The following ATXN1L variants were observed in gnomAD, a reference collection of about 807,000 sequenced individuals.
ATXN1L encodes ataxin 1 like.
In ATXN1L, 8 loss-of-function variants were observed where a neutral mutation model predicts 43.4. The observed-to-expected ratio is 0.18, with a 90% confidence interval of 0.11 to 0.33. The LOEUF is 0.33. Among genes scored for constraint, ATXN1L ranks in the 10% least tolerant of loss-of-function variants. The pLI is 1.00. For missense variants in ATXN1L, 856 were observed against 885.4 expected, an observed-to-expected ratio of 0.97 and a Z score of 0.42; for synonymous variants, 379 against 360.6, an observed-to-expected ratio of 1.05 and a Z score of -0.58.
chr16:71,847,921 C>CT (rs1397763452), intron 1 of ATXN1L, 89 bp from the exon 2 acceptor site: 8 of 430,336 alleles, frequency 1.9e-5, no homozygotes, highest in Middle Eastern at 3.4e-4. Context: ...CGTGTATACT[C>CT]TAATGCTTTG....
In ATXN1L at chr16:71,849,995, G is replaced by A; in HGVS notation, c.255G>A (p.Val85=). The change falls in exon 3 of 3, where the codon GTG becomes GTA. Residue 85 remains valine (V), a synonymous_variant. Coordinates refer to ENST00000427980, the MANE Select transcript of ATXN1L (RefSeq NM_001137675.4). ...TVDQYGMLYK[V]AVPPATFSPT... ...ACCAGTATGGCATGCTGTATAAGGT[G>A]GCTGTGCCGCCTGCCACCTTTTCAC... is the stretch of plus-strand genomic sequence containing the variant. 1 of 1,551,618 alleles carries A rather than the reference G, an allele frequency of 6.4e-7. No individual in the cohort carries two copies.
chr16:71,851,916 A>G lies in ATXN1L; in HGVS notation c.*106A>G. The G allele has an allele frequency of 1.6e-6, 2 of 1,274,588 alleles. No individual in the cohort carries two copies. The highest frequency in any genetic ancestry group is 7.0e-5 in the Admixed American group (2 of 28,684). 79.0% of individuals were successfully genotyped at this position (1,274,588 alleles called of 1,614,324 possible). On this transcript the variant is annotated 3_prime_UTR_variant, in exon 3 of 3. Coordinates refer to ENST00000427980, the MANE Select transcript of ATXN1L (RefSeq NM_001137675.4). The surrounding 1 kb of genome is among the most constrained non-coding windows in gnomAD (Gnocchi z 4.9). ...CCGAGCAGGGAATGGCTTTCTTGGC[A>G]GTGAGATTTGGGGGAAAGGGGAGGC...
Position 71,851,245 on chromosome 16 carries a change from G to A in ATXN1L, c.1505G>A (p.Gly502Glu). 3 of 1,551,700 alleles carry A rather than the reference G, an allele frequency of 1.9e-6. No homozygotes were observed. The highest frequency in any genetic ancestry group is 2.6e-6 in the Non-Finnish European group (3 of 1,146,998). ...GTGCGCAGTGCCGAAGTGAGCGGGG[G>A]GCTGAAGATTGACTCTAGCACGGTC... ...DFVRSAEVSG[G>E]LKIDSSTVVD... Residue 502 changes from glycine to glutamate, a missense_variant, in exon 3 of 3, where the codon GGG becomes GAG. Coordinates refer to ENST00000427980, the MANE Select transcript of ATXN1L (RefSeq NM_001137675.4). The surrounding 1 kb of genome is among the most constrained non-coding windows in gnomAD (Gnocchi z 4.9).
chr16:71,851,661 G>A lies in ATXN1L; in HGVS notation c.1921G>A (p.Glu641Lys). Residue 641 changes from glutamate to lysine, a missense_variant, in exon 3 of 3, where the codon GAG becomes AAG. Coordinates refer to ENST00000427980, the MANE Select transcript of ATXN1L (RefSeq NM_001137675.4). This position sits in a 1 kb window ranked among gnomAD's most constrained non-coding sequence, Gnocchi z 4.9. ...GSRVVEPSQPESGAQACWPAP... is the reference protein window; with the variant it reads ...GSRVVEPSQPKSGAQACWPAP... ...CCGTGTGGTAGAGCCTTCCCAGCCT[G>A]AGTCCGGTGCTCAGGCCTGCTGGCC... 6.6e-7 allele frequency: 1 copy of A among 1,517,534 alleles called. No homozygotes were observed. Among genetic ancestry groups the A allele is most frequent in the Non-Finnish European group, 8.9e-7 (1 of 1,126,842 alleles). 94.0% of individuals were successfully genotyped at this position (1,517,534 alleles called of 1,614,324 possible). A position where few individuals can be genotyped will look rare whatever the true frequency, so the allele number is the denominator to read the frequency against.
In ATXN1L at chr16:71,854,024, T is replaced by C. The variant is rs972481567; in HGVS notation, c.*2214T>C. On this transcript the variant is annotated 3_prime_UTR_variant, in exon 3 of 3. Coordinates refer to ENST00000427980, the MANE Select transcript of ATXN1L (RefSeq NM_001137675.4). Reference sequence around the variant, plus strand: ...AGGAATCCCCTCAAATGAGAAGGCCTTGGGAGAAGGCCTCATCTCTGGCTG... The same window carrying C: ...AGGAATCCCCTCAAATGAGAAGGCCCTGGGAGAAGGCCTCATCTCTGGCTG... 1.8e-5 allele frequency: 3 copies of C among 167,118 alleles called. No homozygotes were observed. Among genetic ancestry groups the C allele is most frequent in the African/African-American group, 7.2e-5 (3 of 41,456 alleles). The allele number at this position is 167,118 out of a possible 1,614,324, so 10.4% of individuals were successfully genotyped here.
In ATXN1L at chr16:71,849,709, C is replaced by T; in HGVS notation, c.-32C>T. On this transcript the variant is annotated 5_prime_UTR_variant, in exon 3 of 3. Coordinates refer to ENST00000427980, the MANE Select transcript of ATXN1L (RefSeq NM_001137675.4). ...TGATGCCCCAGGGAGCAAGTCGACT[C>T]CTTCCAGGCTCCAGGAACACCACAA... The T allele has an allele frequency of 6.8e-7, 1 of 1,465,068 alleles. No individual in the cohort carries two copies. The highest frequency in any genetic ancestry group is 9.1e-7 in the Non-Finnish European group (1 of 1,104,226). 90.8% of individuals were successfully genotyped at this position (1,465,068 alleles called of 1,614,324 possible).
Position 71,856,493 on chromosome 16 carries a change from C to G in ATXN1L, c.*4683C>G, listed in dbSNP as rs1431328523. On this transcript the variant is annotated 3_prime_UTR_variant, in exon 3 of 3. Transcript: ENST00000427980. Reference sequence around the variant, plus strand: ...AGTGGTTTTACACCCACCCCCTGGGCAGGGAGTTTGCACGTAGTTGTGAGC... The same window carrying G: ...AGTGGTTTTACACCCACCCCCTGGGGAGGGAGTTTGCACGTAGTTGTGAGC... 1 of 166,982 alleles carries G rather than the reference C, an allele frequency of 6.0e-6. No individual in the cohort carries two copies. Among genetic ancestry groups the G allele is most frequent in the Non-Finnish European group, 1.5e-5 (1 of 68,104 alleles). 10.3% of individuals were successfully genotyped at this position (166,982 alleles called of 1,614,324 possible). A position where few individuals can be genotyped will look rare whatever the true frequency, so the allele number is the denominator to read the frequency against.
In ATXN1L at chr16:71,851,639, T is replaced by C. The variant is rs2033504449; in HGVS notation, c.1899T>C (p.Arg633=). ...GCCAGCCGGCAGGAGAGGGCTCCCG[T>C]GTGGTAGAGCCTTCCCAGCCTGAGT... ...GKSQPAGEGS[R]VVEPSQPESG... The change falls in exon 3 of 3, where the codon CGT becomes CGC. Residue 633 remains arginine (R), a synonymous_variant. Transcript: ENST00000427980. The surrounding 1 kb of genome is among the most constrained non-coding windows in gnomAD (Gnocchi z 4.9). 3.3e-6 allele frequency: 5 copies of C among 1,532,252 alleles called. No individual in the cohort carries two copies. The highest frequency in any genetic ancestry group is 4.4e-6 in the Non-Finnish European group (5 of 1,134,262). 94.9% of individuals were successfully genotyped at this position (1,532,252 alleles called of 1,614,324 possible).
intron 1 of ATXN1L, among the ~76,000 whole-genome samples, chr16:71,846,737 T>C (rs565769987): frequency 4.2e-4 from 64 of 152,116 alleles, no homozygotes; most frequent in Non-Finnish European, 8.2e-4. Context: ...GAGGCGGAGG[T>C]TTCGGATTCT....
chr16:71,849,088 C>G (rs917015294), intron 2 of ATXN1L, among the ~76,000 whole-genome samples: 2 of 151,816 alleles, frequency 1.3e-5, no homozygotes, highest in Non-Finnish European at 2.9e-5. Context: ...GTGGTGCATG[C>G]CTGTAGTCCC....
In ATXN1L at chr16:71,851,547, C is replaced by T. The variant is rs1268797949; in HGVS notation, c.1807C>T (p.Pro603Ser). The T allele has an allele frequency of 7.7e-6, 12 of 1,550,392 alleles. No homozygotes were observed. Among genetic ancestry groups the T allele is most frequent in the Non-Finnish European group, 9.6e-6 (11 of 1,146,200 alleles). The change falls in exon 3 of 3, where the codon CCC (proline) becomes TCC (serine). Residue 603 changes from proline (P) to serine (S), a missense_variant. By Grantham distance (74) the Pro-to-Ser change is moderately conservative. Around this residue, in one of 7 missense-constraint regions of ATXN1L, gnomAD observed 185 missense variants for 176.8 expected, o/e 1.05. Transcript: ENST00000427980. The surrounding 1 kb of genome is among the most constrained non-coding windows in gnomAD (Gnocchi z 4.9). ...ASCAPPSQLG[P>S]PRERPERTVL... is the part of the protein sequence containing the mutation. ...CTGTGCTCCCCCAAGCCAGCTGGGT[C>T]CCCCCCGAGAAAGGCCTGAGAGGAC... is the stretch of plus-strand genomic sequence containing the variant.
chr16:71,850,261 T>G lies in ATXN1L; in HGVS notation c.521T>G (p.Phe174Cys). 1 of 1,551,638 alleles carries G rather than the reference T, an allele frequency of 6.4e-7. No homozygotes were observed. ...ANLATSHLPH[F>C]VPYASLLAEG... ...CTTGCCACCTCTCACCTTCCACACT[T>G]TGTGCCATATGCCTCACTTCTGGCT... is the stretch of plus-strand genomic sequence containing the variant. The change falls in exon 3 of 3, where the codon TTT becomes TGT. Residue 174 changes from phenylalanine (F) to cysteine (C), a missense_variant. Coordinates refer to ENST00000427980, the MANE Select transcript of ATXN1L (RefSeq NM_001137675.4).
At position 71,850,346 on chromosome 16, in the gene ATXN1L, C is replaced by G. The variant is rs1433718851; in HGVS notation, c.606C>G (p.Pro202=). Residue 202 remains proline (P), a synonymous_variant, in exon 3 of 3, where the codon CCC becomes CCG. Coordinates refer to ENST00000427980, the MANE Select transcript of ATXN1L (RefSeq NM_001137675.4). ...PSPAHSFNKA[P]SATSPSGQLP... is the part of the protein sequence containing the mutation. ...CGGCCCACTCATTTAACAAAGCTCC[C>G]TCTGCCACCTCCCCATCTGGGCAAT... is the stretch of plus-strand genomic sequence containing the variant. 2 of 1,551,752 alleles carry G rather than the reference C, an allele frequency of 1.3e-6. No individual in the cohort carries two copies. Among genetic ancestry groups the G allele is most frequent in the Non-Finnish European group, 8.7e-7 (1 of 1,146,996 alleles).
chr16:71,850,346 C>T lies in ATXN1L; in HGVS notation c.606C>T (p.Pro202=). Residue 202 remains proline, a synonymous_variant, in exon 3 of 3, where the codon CCC becomes CCT. Transcript: ENST00000427980. ...PSPAHSFNKA[P]SATSPSGQLP... is the part of the protein sequence containing the mutation. The stretch of plus-strand genomic sequence containing the variant: ...CGGCCCACTCATTTAACAAAGCTCC[C>T]TCTGCCACCTCCCCATCTGGGCAAT... 1 of 1,551,752 alleles carries T rather than the reference C, an allele frequency of 6.4e-7. No homozygotes were observed. Among genetic ancestry groups the T allele is most frequent in the Non-Finnish European group, 8.7e-7 (1 of 1,146,996 alleles).
rs1171214903 is a variant in ATXN1L, at chr16:71,854,075, T to C, written c.*2265T>C. 6.0e-6 allele frequency: 1 copy of C among 167,012 alleles called. No individual in the cohort carries two copies. The highest frequency in any genetic ancestry group is 1.9e-4 in the East Asian group (1 of 5,200). The allele number at this position is 167,012 out of a possible 1,614,324, so 10.3% of individuals were successfully genotyped here. ...TTTCATGAGCAACTCATTCCTAGAGTTCATTGTTTGCATGGGTTTCTCACA... is the reference window on the plus strand; with the variant it reads ...TTTCATGAGCAACTCATTCCTAGAGCTCATTGTTTGCATGGGTTTCTCACA... On this transcript the variant is annotated 3_prime_UTR_variant, in exon 3 of 3. Transcript: ENST00000427980.
chr16:71,850,612 A>G lies in ATXN1L; in HGVS notation c.872A>G (p.Asn291Ser), dbSNP rs1199023664. The change falls in exon 3 of 3, where the codon AAC becomes AGC. Residue 291 changes from asparagine (N) to serine (S), a missense_variant. This residue lies in a region of ATXN1L where 490 missense variants were observed against 449.4 expected (regional missense o/e 1.09). Transcript: ENST00000427980. ...RRESEALDSPNSKGEGQGLVP... is the reference protein window; with the variant it reads ...RRESEALDSPSSKGEGQGLVP... ...GAAAGTGAAGCCCTTGACTCCCCCAACAGCAAGGGTGAAGGCCAGGGACTG... is the reference window on the plus strand; with the variant it reads ...GAAAGTGAAGCCCTTGACTCCCCCAGCAGCAAGGGTGAAGGCCAGGGACTG... 5.8e-6 allele frequency: 9 copies of G among 1,551,668 alleles called. No individual in the cohort carries two copies. The highest frequency in any genetic ancestry group is 2.4e-5 in the East Asian group (1 of 40,912).
In ATXN1L at chr16:71,850,386, A is replaced by G; in HGVS notation, c.646A>G (p.Ser216Gly). 1.3e-6 allele frequency: 2 copies of G among 1,551,692 alleles called. No individual in the cohort carries two copies. Among genetic ancestry groups the G allele is most frequent in the South Asian group, 1.2e-5 (1 of 84,060 alleles). Residue 216 changes from serine (S) to glycine (G), a missense_variant, in exon 3 of 3, where the codon AGT becomes GGT. Coordinates refer to ENST00000427980, the MANE Select transcript of ATXN1L (RefSeq NM_001137675.4). ...SPSGQLPHHS[S>G]TQPLDLAPGR... is the part of the protein sequence containing the mutation. Reference sequence around the variant, plus strand: ...ATCTGGGCAATTGCCACATCATTCAAGTACTCAGCCGCTGGACCTTGCTCC... The same window carrying G: ...ATCTGGGCAATTGCCACATCATTCAGGTACTCAGCCGCTGGACCTTGCTCC...
At chr16:71,847,415 TACAC>T (rs1190997460) in intron 1 of ATXN1L, among the ~76,000 whole-genome samples, 1 of 152,060 alleles carries the variant, frequency 6.6e-6, no homozygotes, top group Non-Finnish European at 1.5e-5. Flanking sequence ...AAATTTTACA[TACAC>T]ACACACATAT....
chr16:71,850,934 G>A lies in ATXN1L; in HGVS notation c.1194G>A (p.Gln398=), dbSNP rs1467822585. The part of the protein sequence containing the change: ...EKSQARGFYP[Q]SHQEPVKHRP... ...GTCAGGCCCGTGGGTTCTACCCTCA[G>A]TCCCATCAGGAACCAGTAAAACATA... Residue 398 remains glutamine (Q), a synonymous_variant, in exon 3 of 3, where the codon CAG becomes CAA. Transcript: ENST00000427980. The A allele has an allele frequency of 1.1e-5, 17 of 1,551,570 alleles. No individual in the cohort carries two copies. Among genetic ancestry groups the A allele is most frequent in the Non-Finnish European group, 1.5e-5 (17 of 1,146,994 alleles).
Sources: allele counts gnomAD v4.1 joint callset (sites outside exome capture counted in the v4.1 genomes callset), GRCh38; gene constraint gnomAD v4.1.1; regional missense constraint gnomAD v4.1.1; non-coding constraint Gnocchi (gnomAD v3.1); transcripts MANE v1.5; gene names NCBI Gene and HGNC (gene_info 2026-07-23, HGNC 2026-07-21).